THOC7: variants seen among roughly 807,000 people sequenced by gnomAD.
THOC7 encodes the protein THO complex subunit 7.
Under a neutral mutation model 33.1 loss-of-function variants are expected in THOC7, and 22 were observed. The ratio of observed to expected loss-of-function variants is 0.66; its 90% CI spans 0.47 to 0.95. THOC7 has a LOEUF of 0.95. Ranked by LOEUF, THOC7 falls within the 40% of genes least tolerant of loss-of-function variation. THOC7 has a pLI of 0.00. For missense variants in THOC7, 184 were observed against 245.3 expected (o/e 0.75, Z 1.67); for synonymous variants, 77 against 76.8 (o/e 1.00, Z -0.01).
At chr3:63,841,757 T>C (rs1158800740) in intron 1 of THOC7, among the ~76,000 whole-genome samples, 1 of 152,150 alleles carries the variant, frequency 6.6e-6, no homozygotes, top group Non-Finnish European at 1.5e-5. Flanking sequence ...AAATAAAACA[T>C]AGTCCTTGAA....
intron 1 of THOC7, 157 bp downstream of exon 1, chr3:63,863,615 C>T (rs1575821033): frequency 8.4e-7 from 1 of 1,196,394 alleles, no homozygotes. Context: ...GCCGGGGAGG[C>T]CCGGGGCTCC....
intron 1 of THOC7, among the ~76,000 whole-genome samples, chr3:63,857,851 A>G (rs1377689297): frequency 6.6e-6 from 1 of 152,260 alleles, no homozygotes. Flanking sequence ...AAATGTTTAG[A>G]GTAGTATAGT....
chr3:63,837,846 A>T lies in THOC7; in HGVS notation c.352+130T>A. On this transcript the variant is annotated intron_variant, in intron 4 of 7. Coordinates refer to ENST00000295899, the MANE Select transcript of THOC7 (RefSeq NM_025075.4). ...TTTAAAGAATAATATAGTTTTAAGG[A>T]ATTAAAATTTGGATTTTTTTTAATC... is the stretch of plus-strand genomic sequence containing the variant. 1.2e-5 allele frequency: 8 copies of T among 658,230 alleles called. No individual in the cohort carries two copies. In the South Asian group the frequency reaches 2.0e-4, roughly 17 times the overall value. The allele number at this position is 658,230 out of a possible 1,614,324, so 40.8% of individuals were successfully genotyped here.
chr3:63,836,220 G>T, intron 5 of THOC7, 81 bp downstream of exon 5: 1 of 1,322,748 alleles, frequency 7.6e-7, no homozygotes, highest in Non-Finnish European at 1.1e-6. Context: ...ATTTATTTCT[G>T]CAAAAATGAA....
At position 63,863,698 on chromosome 3, in the gene THOC7, C is replaced by T. The variant is rs1575821216; in HGVS notation, c.19+74G>A. The T allele has an allele frequency of 3.2e-6, 4 of 1,241,708 alleles. No individual in the cohort carries two copies. The East Asian group carries it at 1.3e-4, about 39-fold the overall frequency. The allele number at this position is 1,241,708 out of a possible 1,614,324, so 76.9% of individuals were successfully genotyped here. On this transcript the variant is annotated intron_variant, in intron 1 of 7. Coordinates refer to ENST00000295899, the MANE Select transcript of THOC7 (RefSeq NM_025075.4). ...GGCCGAGGGGTTCCCGGAAGCGGGC[C>T]GGGAGGCCAGGGGTCTCAGGGGAGG... is the stretch of plus-strand genomic sequence containing the variant.
chr3:63,849,617 CT>C (rs1214156131), intron 1 of THOC7, among the ~76,000 whole-genome samples: 1 of 152,120 alleles, frequency 6.6e-6, no homozygotes, highest in Non-Finnish European at 1.5e-5. Context: ...TGTAGTTATT[CT>C]TGCTGCACTT....
intron 1 of THOC7, among the ~76,000 whole-genome samples, chr3:63,841,285 T>A (rs141153645): frequency 2.0e-3 from 308 of 152,326 alleles, no homozygotes; most frequent in African/African-American, 7.0e-3. Context: ...AAGAAACTTG[T>A]AATAGCGGTT....
chr3:63,854,382 T>C (rs1287909021), intron 1 of THOC7, among the ~76,000 whole-genome samples: 2 of 152,250 alleles, frequency 1.3e-5, no homozygotes, highest in Non-Finnish European at 2.9e-5. Flanking sequence ...ACTATACATG[T>C]TGACTTCACA....
At chr3:63,846,920 G>A (rs942003239) in intron 1 of THOC7, among the ~76,000 whole-genome samples, 1 of 152,246 alleles carries the variant, frequency 6.6e-6, no homozygotes, top group Non-Finnish European at 1.5e-5. Context: ...CATTCCCCAA[G>A]TATTTCAGCT....
chr3:63,834,035 C>A lies in THOC7; in HGVS notation c.*97G>T. On this transcript the variant is annotated 3_prime_UTR_variant, in exon 8 of 8. Coordinates refer to ENST00000295899, the MANE Select transcript of THOC7 (RefSeq NM_025075.4). ...ACTTAAAAACAGAGTATTTTACTGC[C>A]AAAACTTTAAATATCTCAAGAGCAT... is the stretch of plus-strand genomic sequence containing the variant. 8.0e-7 allele frequency: 1 copy of A among 1,257,176 alleles called. No individual in the cohort carries two copies. The highest frequency in any genetic ancestry group is 1.1e-6 in the Non-Finnish European group (1 of 898,548). 77.9% of individuals were successfully genotyped at this position (1,257,176 alleles called of 1,614,324 possible).
intron 1 of THOC7, among the ~76,000 whole-genome samples, chr3:63,853,801 G>A (rs1702060574): frequency 1.3e-5 from 2 of 151,956 alleles, no homozygotes; most frequent in East Asian, 1.9e-4. Context: ...CCAGCTATTC[G>A]GGAAGCTGAG....
At chr3:63,863,608 G>C in intron 1 of THOC7, 164 bp downstream of exon 1, 1 of 1,194,920 alleles carries the variant, frequency 8.4e-7, no homozygotes, top group Non-Finnish European at 1.0e-6. Flanking sequence ...GGAAGCAGCC[G>C]GGGAGGCCCG....
chr3:63,838,352 G>C lies in THOC7; in HGVS notation c.265+20C>G. On this transcript the variant is annotated intron_variant, in intron 3 of 7. Coordinates refer to ENST00000295899, the MANE Select transcript of THOC7 (RefSeq NM_025075.4). Reference sequence around the variant, plus strand: ...ACCATAAAAAATAAAATTACAGATAGAAACATTAAGATTCTTTACCTATTT... The same window carrying C: ...ACCATAAAAAATAAAATTACAGATACAAACATTAAGATTCTTTACCTATTT... 1.4e-6 allele frequency: 2 copies of C among 1,410,206 alleles called. No individual in the cohort carries two copies. The highest frequency in any genetic ancestry group is 2.0e-6 in the Non-Finnish European group (2 of 1,022,820). The allele number at this position is 1,410,206 out of a possible 1,614,324, so 87.4% of individuals were successfully genotyped here.
intron 2 of THOC7, among the ~76,000 whole-genome samples, chr3:63,839,384 C>T (rs2637981): frequency 0.97 from 148,315 of 152,276 alleles, 72,326 homozygotes; most frequent in East Asian, 1. Context: ...TTTTATCTTA[C>T]TAAACACTTA....
At chr3:63,846,026 A>C (rs1423933435) in intron 1 of THOC7, 1 of 208,262 alleles carries the variant, frequency 4.8e-6, no homozygotes, top group Non-Finnish European at 1.0e-5. Context: ...TCAAAGAGAC[A>C]GTCCTCTAAA....
At chr3:63,864,353 C>A (rs1416770535), upstream of THOC7, 1 of 152,144 alleles carries the variant, frequency 6.6e-6, no homozygotes, top group East Asian at 2.0e-4. Flanking sequence ...CCGGCTGAGC[C>A]CAGGAGAGGC....
chr3:63,856,149 A>G (rs1374909896), intron 1 of THOC7, among the ~76,000 whole-genome samples: 2 of 152,190 alleles, frequency 1.3e-5, no homozygotes, highest in Admixed American at 6.5e-5. Flanking sequence ...TAAAAGAATA[A>G]GGTAGATTTA....
In THOC7 at chr3:63,858,446, T is replaced by A. The variant is rs74944309; in HGVS notation, c.19+5326A>T. On this transcript the variant is annotated intron_variant, in intron 1 of 7. Transcript: ENST00000295899. Reference sequence around the variant, plus strand: ...TTGCAACAAGTACATATTCATGCATTACATTTTTCTAAGTTAAAAAAAAAA... The same window carrying A: ...TTGCAACAAGTACATATTCATGCATAACATTTTTCTAAGTTAAAAAAAAAA... Among the ~76,000 whole-genome samples, 748 of 152,310 alleles carry A rather than the reference T, an allele frequency of 4.9e-3. 4 individuals carry two copies. The highest frequency in any genetic ancestry group is 0.017 in the African/African-American group (712 of 41,580).
chr3:63,860,433 T>A (rs373863191), intron 1 of THOC7, among the ~76,000 whole-genome samples: 1 of 152,178 alleles, frequency 6.6e-6, no homozygotes, highest in East Asian at 1.9e-4. Flanking sequence ...AGCTCTATGA[T>A]CTTCAGTGCT....
Sources: allele counts gnomAD v4.1 joint callset (sites outside exome capture counted in the v4.1 genomes callset), GRCh38; gene constraint gnomAD v4.1.1; transcripts MANE v1.5; gene names NCBI Gene and HGNC (gene_info 2026-07-23, HGNC 2026-07-21).